The following MUC5B variants were observed in gnomAD, a reference collection of about 807,000 sequenced individuals.
MUC5B encodes the protein mucin 5B, oligomeric mucus/gel-forming, also known as mucin-5B.
In MUC5B, 116 loss-of-function variants were observed where a neutral mutation model predicts 376.9. The ratio of observed to expected loss-of-function variants is 0.31; its 90% CI spans 0.26 to 0.36. The LOEUF (loss-of-function observed/expected upper bound fraction) is 0.36, where lower values mean the gene tolerates loss of function less well. Ranked by LOEUF, MUC5B falls within the 10% of genes least tolerant of loss-of-function variation. The pLI is 1.00. For missense variants in MUC5B, 7,165 were observed against 7,769.9 expected, an observed-to-expected ratio of 0.92 and a Z score of 2.93; for synonymous variants, 3,517 against 3,390.9, an observed-to-expected ratio of 1.04 and a Z score of -1.29.
chr11:1,239,411 CCTT>C, intron 26 of MUC5B, 24 bp from the exon 27 acceptor site: 1 of 1,597,854 alleles, frequency 6.3e-7, no homozygotes, highest in Non-Finnish European at 8.5e-7. Flanking sequence ...GTGGGCGCCT[CCTT>C]AGCCTCTGCC....
At chr11:1,256,938 C>G (rs1276057037) in intron 39 of MUC5B, among the ~76,000 whole-genome samples, 167 bp downstream of exon 39, 2 of 152,068 alleles carry the variant, frequency 1.3e-5, no homozygotes, top group East Asian at 3.9e-4. Flanking sequence ...TGGCCCTGAA[C>G]CCTGCAGAGC....
In MUC5B at chr11:1,247,836, G is replaced by A. The variant is rs1481752896; in HGVS notation, c.10956G>A (p.Lys3652=). Reference sequence around the variant, plus strand: ...GCAGGAACCGTGAGCAGGTGGGGAAGTTCAAGATGTGCTTCAACTATGAAA... The same window carrying A: ...GCAGGAACCGTGAGCAGGTGGGGAAATTCAAGATGTGCTTCAACTATGAAA... ...LVCRNREQVG[K]FKMCFNYEIR... is the part of the protein sequence containing the mutation. The change falls in exon 31 of 49, where the codon AAG becomes AAA. Residue 3652 remains lysine (K), a synonymous_variant. Transcript: ENST00000529681. The A allele has an allele frequency of 6.2e-7, 1 of 1,607,620 alleles. No homozygotes were observed. Among genetic ancestry groups the A allele is most frequent in the Admixed American group, 1.7e-5 (1 of 59,886 alleles).
Position 1,257,430 on chromosome 11 carries a change from C to CACTCGGG in MUC5B, c.16270-99_16270-93dup, listed in dbSNP as rs1311980141. 6 of 1,425,460 alleles carry CACTCGGG rather than the reference C, an allele frequency of 4.2e-6. No homozygotes were observed. In the African/African-American group the frequency reaches 8.4e-5, roughly 20 times the overall value. 88.3% of individuals were successfully genotyped at this position (1,425,460 alleles called of 1,614,324 possible). ...CGCTTCCTGCCCCATCACTCTGGGC[C>CACTCGGG]ACTCGGGTACCAGCCCGAGGGAGGG... On this transcript the variant is annotated intron_variant, in intron 40 of 48. Transcript: ENST00000529681. This position sits in a 1 kb window ranked among gnomAD's most constrained non-coding sequence, Gnocchi z 8.9.
rs538310217 is a variant in MUC5B, at chr11:1,257,353, G to A, written c.16269+82G>A. ...AGGGAAGGAGCATCCCCATCCCACA[G>A]GGCAGCTGTGGGGCGCCCGAGTGTG... On this transcript the variant is annotated intron_variant, in intron 40 of 48. Coordinates refer to ENST00000529681, the MANE Select transcript of MUC5B (RefSeq NM_002458.3). The surrounding 1 kb of genome is among the most constrained non-coding windows in gnomAD (Gnocchi z 8.9). 49 of 827,984 alleles carry A rather than the reference G, an allele frequency of 5.9e-5. No individual in the cohort carries two copies. The East Asian group carries it at 1.1e-3, about 19-fold the overall frequency. The allele number at this position is 827,984 out of a possible 1,614,324, so 51.3% of individuals were successfully genotyped here.
Position 1,244,803 on chromosome 11 carries a change from A to G in MUC5B, c.7923A>G (p.Thr2641=), listed in dbSNP as rs752624036. 2.6e-5 allele frequency: 42 copies of G among 1,612,938 alleles called. 2 individuals are homozygous for G. In the East Asian group the frequency reaches 2.7e-4, roughly 10 times the overall value. The change falls in exon 31 of 49, where the codon ACA becomes ACG. Residue 2641 remains threonine (T), a synonymous_variant. Coordinates refer to ENST00000529681, the MANE Select transcript of MUC5B (RefSeq NM_002458.3). ...GGATCAGCACAACCACCACACCCAC[A>G]ACCAGAGGTTCCACGGTGACCCCCT... ...PVWISTTTTP[T]TRGSTVTPSS...
intron 15 of MUC5B, 21 bp from the exon 16 acceptor site, chr11:1,232,429 G>C: frequency 6.3e-7 from 1 of 1,587,280 alleles, no homozygotes; most frequent in East Asian, 2.3e-5. Context: ...GCGTGGAGAT[G>C]AGGTCAGGTC....
Position 1,237,175 on chromosome 11 carries a change from G to A in MUC5B, c.3297+11G>A. ...GCCTGCCGCTCCCAGGTGGGGCTCTGGTCTTGGCAGGCAGGGTCTGGTGGG... is the reference window on the plus strand; with the variant it reads ...GCCTGCCGCTCCCAGGTGGGGCTCTAGTCTTGGCAGGCAGGGTCTGGTGGG... On this transcript the variant is annotated intron_variant, in intron 25 of 48. Transcript: ENST00000529681. The A allele has an allele frequency of 2.1e-6, 3 of 1,416,200 alleles. No individual in the cohort carries two copies. The Middle Eastern group carries it at 5.9e-4, about 277-fold the overall frequency. The allele number at this position is 1,416,200 out of a possible 1,614,324, so 87.7% of individuals were successfully genotyped here. A position where few individuals can be genotyped will look rare whatever the true frequency, so the allele number is the denominator to read the frequency against.
At chr11:1,226,977 T>C in intron 4 of MUC5B, 54 bp from the exon 5 acceptor site, 2 of 744,360 alleles carry the variant, frequency 2.7e-6, no homozygotes, top group Middle Eastern at 4.1e-4. Flanking sequence ...GGGGGTTGGG[T>C]GGGCAGGCAG....
In MUC5B at chr11:1,246,497, T is replaced by G. The variant is rs202001610; in HGVS notation, c.9617T>G (p.Ile3206Ser). ...LTSTATTPTV[I>S]SSRATPSSSP... ...AGCACGGCCACCACACCCACAGTCATCAGCTCCAGAGCCACTCCCTCCTCC... is the reference window on the plus strand; with the variant it reads ...AGCACGGCCACCACACCCACAGTCAGCAGCTCCAGAGCCACTCCCTCCTCC... The change falls in exon 31 of 49, where the codon ATC becomes AGC. Residue 3206 changes from isoleucine (I) to serine (S), a missense_variant. Physicochemically the swap from Ile to Ser is moderately radical, Grantham distance 142 (BLOSUM62 -2). Around this residue, in one of 31 missense-constraint regions of MUC5B, gnomAD observed 939 missense variants for 770.6 expected, o/e 1.22. Coordinates refer to ENST00000529681, the MANE Select transcript of MUC5B (RefSeq NM_002458.3). 1.9e-6 allele frequency: 3 copies of G among 1,602,968 alleles called. No homozygotes were observed. The highest frequency in any genetic ancestry group is 2.6e-6 in the Non-Finnish European group (3 of 1,173,476).
rs200272118 is a variant in MUC5B at position 1,248,657 on chromosome 11, T to A, written c.11777T>A (p.Val3926Glu). 4.5e-4 allele frequency: 728 copies of A among 1,600,162 alleles called. 9 individuals carry two copies. The African/African-American group carries it at 8.6e-3, about 19-fold the overall frequency. ...PTVLTTTTTT[V>E]ATGSMATPSS... Reference sequence around the variant, plus strand: ...GTGCTGACCACCACCACCACAACTGTGGCCACTGGTTCTATGGCAACACCC... The same window carrying A: ...GTGCTGACCACCACCACCACAACTGAGGCCACTGGTTCTATGGCAACACCC... Residue 3926 changes from valine (V) to glutamate (E), a missense_variant, in exon 31 of 49, where the codon GTG becomes GAG. By Grantham distance (121) the Val-to-Glu change is moderately radical. This residue lies in a region of MUC5B where 242 missense variants were observed against 199.0 expected (regional missense o/e 1.22). Transcript: ENST00000529681.
At chr11:1,231,209 C>T (rs1005957645) in intron 13 of MUC5B, among the ~76,000 whole-genome samples, 6 of 152,184 alleles carry the variant, frequency 3.9e-5, no homozygotes, top group Non-Finnish European at 5.9e-5. Flanking sequence ...ACATCCAGCT[C>T]GCTCAGCCCC....
chr11:1,237,635 T>A (rs1002696866), intron 25 of MUC5B, among the ~76,000 whole-genome samples: 1 of 152,166 alleles, frequency 6.6e-6, no homozygotes, highest in African/African-American at 2.4e-5. Context: ...TTTGGGACGC[T>A]GAGGCAGGTG....
intron 1 of MUC5B, among the ~76,000 whole-genome samples, chr11:1,223,748 G>T (rs957738564): frequency 6.6e-6 from 1 of 152,224 alleles, no homozygotes; most frequent in South Asian, 2.1e-4. Context: ...ATCTCATGCC[G>T]CACGGGCTGC....
intron 7 of MUC5B, 32 bp downstream of exon 7, chr11:1,227,813 A>G: frequency 1.4e-6 from 1 of 691,652 alleles, no homozygotes; most frequent in Non-Finnish European, 2.7e-6. Flanking sequence ...GCTCCTGGGC[A>G]GGGACGGCCT....
chr11:1,254,323 C>T lies in MUC5B; in HGVS notation c.15449C>T (p.Thr5150Ile). 1 of 1,605,834 alleles carries T rather than the reference C, an allele frequency of 6.2e-7. No homozygotes were observed. The highest frequency in any genetic ancestry group is 8.5e-7 in the Non-Finnish European group (1 of 1,179,792). The change falls in exon 34 of 49, where the codon ACC becomes ATC. Residue 5150 changes from threonine to isoleucine, a missense_variant. Physicochemically the swap from Thr to Ile is moderately conservative, Grantham distance 89. Around this residue, in one of 31 missense-constraint regions of MUC5B, gnomAD observed 842 missense variants for 1,016.9 expected, o/e 0.83. Transcript: ENST00000529681. ...YKSMDIVLTV[T>I]MVHGKEEGLI... ...TCCATGGATATCGTCCTCACTGTCACCATGGTGCATGGGAAGGAGGAGGGC... is the reference window on the plus strand; with the variant it reads ...TCCATGGATATCGTCCTCACTGTCATCATGGTGCATGGGAAGGAGGAGGGC...
rs1390279895 is a variant in MUC5B at position 1,226,811 on chromosome 11, T to C, written c.396T>C (p.Val132=). Residue 132 remains valine, a synonymous_variant, in exon 4 of 49, where the codon GTT becomes GTC. Transcript: ENST00000529681. ...GCTCCAGGCCTGTGGTCACCCGTGT[T>C]GTCATCAAGGCCCAGGGGCTGGTGC... ...LVGSRPVVTR[V]VIKAQGLVLE... 9.9e-6 allele frequency: 16 copies of C among 1,611,422 alleles called. No individual in the cohort carries two copies. Among genetic ancestry groups the C allele is most frequent in the Non-Finnish European group, 1.2e-5 (14 of 1,179,782 alleles).
In MUC5B at chr11:1,243,086, C is replaced by T. The variant is rs200274332; in HGVS notation, c.6206C>T (p.Thr2069Met). 1,085 of 1,611,978 alleles carry T rather than the reference C, an allele frequency of 6.7e-4. 7 individuals are homozygous for T. Among genetic ancestry groups the T allele is most frequent in the Non-Finnish European group, 4.8e-4 (562 of 1,179,026 alleles). The change falls in exon 31 of 49, where the codon ACG (threonine) becomes ATG (methionine). Residue 2069 changes from threonine to methionine, a missense_variant. Physicochemically the swap from Thr to Met is moderately conservative, Grantham distance 81. Around this residue, in one of 31 missense-constraint regions of MUC5B, gnomAD observed 897 missense variants for 779.6 expected, o/e 1.15. Transcript: ENST00000529681. ...GCCACCCCCTCCTCCAGCCCAGGGA[C>T]GGCACTCACGCCTCCAGTGTGGATC... ...FTATPSSSPG[T>M]ALTPPVWIST...
At chr11:1,239,634 G>A (rs2133821704) in intron 27 of MUC5B, 68 bp downstream of exon 27, 6 of 1,517,340 alleles carry the variant, frequency 4.0e-6, no homozygotes, top group East Asian at 2.3e-5. Context: ...GGGGGGGCGG[G>A]GATCCCCAGG....
In MUC5B at chr11:1,236,262, C is replaced by T. The variant is rs55835430; in HGVS notation, c.2881-124C>T. On this transcript the variant is annotated intron_variant, in intron 23 of 48. Coordinates refer to ENST00000529681, the MANE Select transcript of MUC5B (RefSeq NM_002458.3). ...TCTCACGGACCCAGCTCACCCCTAACGCCAGCCGCTTGTGCTAAGAGCCCG... is the reference window on the plus strand; with the variant it reads ...TCTCACGGACCCAGCTCACCCCTAATGCCAGCCGCTTGTGCTAAGAGCCCG... The T allele has an allele frequency of 1.3e-4, 123 of 936,152 alleles. No homozygotes were observed. The African/African-American group carries it at 1.9e-3, about 14-fold the overall frequency. The allele number at this position is 936,152 out of a possible 1,614,324, so 58.0% of individuals were successfully genotyped here.
Sources: allele counts gnomAD v4.1 joint callset (sites outside exome capture counted in the v4.1 genomes callset), GRCh38; gene constraint gnomAD v4.1.1; regional missense constraint gnomAD v4.1.1; non-coding constraint Gnocchi (gnomAD v3.1); transcripts MANE v1.5; gene names NCBI Gene and HGNC (gene_info 2026-07-23, HGNC 2026-07-21).